GPNMB: variants seen among roughly 807,000 people sequenced by gnomAD.
GPNMB encodes the protein transmembrane glycoprotein NMB.
GPNMB carries 71 observed loss-of-function variants against 57.3 expected under a neutral mutation model. That is an observed-to-expected ratio of 1.24 (90% confidence interval 1.02 to 1.51). GPNMB has a LOEUF of 1.51. Among genes scored for constraint, GPNMB ranks in the 40% most tolerant of loss-of-function variants. GPNMB has a pLI of 0.00. For missense variants in GPNMB, 677 were observed against 691.9 expected, an observed-to-expected ratio of 0.98 and a Z score of 0.24; for synonymous variants, 253 against 263.2, an observed-to-expected ratio of 0.96 and a Z score of 0.38.
At position 23,264,604 on chromosome 7, in the gene GPNMB, T is replaced by C. The variant is rs180722116; in HGVS notation, c.1019-1913T>C. ...GTTGCCCAGGTTGGTCTCGAACTCC[T>C]GACCTCAAGTGATCCACCTACCTCA... On this transcript the variant is annotated intron_variant, in intron 6 of 10. Coordinates refer to ENST00000258733, the MANE Select transcript of GPNMB (RefSeq NM_002510.3). 3.9e-4 allele frequency among the ~76,000 whole-genome samples: 60 copies of C among 152,258 alleles called. 1 individual carries two copies. In the East Asian group the frequency reaches 6.6e-3, roughly 17 times the overall value.
intron 7 of GPNMB, 96 bp downstream of exon 7, chr7:23,266,711 G>A: frequency 9.4e-7 from 1 of 1,060,838 alleles, no homozygotes; most frequent in Non-Finnish European, 1.4e-6. Flanking sequence ...GAGGTAGGTG[G>A]TAAGGGCACC....
chr7:23,274,340 G>A lies in GPNMB; in HGVS notation c.*116G>A. 1.3e-6 allele frequency: 1 copy of A among 786,396 alleles called. No individual in the cohort carries two copies. The highest frequency in any genetic ancestry group is 2.0e-6 in the Non-Finnish European group (1 of 490,470). The allele number at this position is 786,396 out of a possible 1,614,324, so 48.7% of individuals were successfully genotyped here. A position where few individuals can be genotyped will look rare whatever the true frequency, so the allele number is the denominator to read the frequency against. On this transcript the variant is annotated 3_prime_UTR_variant, in exon 11 of 11. Coordinates refer to ENST00000258733, the MANE Select transcript of GPNMB (RefSeq NM_002510.3). Reference sequence around the variant, plus strand: ...TGTTAAATAGATATTGTGGTTTGGGGAAGTTGAATTTTTTATAGGTTAAAT... The same window carrying A: ...TGTTAAATAGATATTGTGGTTTGGGAAAGTTGAATTTTTTATAGGTTAAAT...
At chr7:23,252,508 G>A (rs918542329) in intron 1 of GPNMB, among the ~76,000 whole-genome samples, 2 of 152,170 alleles carry the variant, frequency 1.3e-5, no homozygotes, top group African/African-American at 4.8e-5. Flanking sequence ...TATTACCAGG[G>A]ATAAAGAGCA....
chr7:23,249,981 G>A (rs73277831), intron 1 of GPNMB, among the ~76,000 whole-genome samples: 8,704 of 152,170 alleles, frequency 0.057, 721 homozygotes, highest in African/African-American at 0.18. Context: ...TTTTTAGTTA[G>A]GTCTTACTGA....
intron 1 of GPNMB, 39 bp from the exon 2 acceptor site, chr7:23,253,268 C>T (rs538947475): frequency 1.3e-6 from 2 of 1,591,262 alleles, no homozygotes; most frequent in African/African-American, 2.7e-5. Flanking sequence ...GAGGTGATTA[C>T]TAAATGAAGA....
At chr7:23,268,882 A>G (rs1357877371) in intron 8 of GPNMB, among the ~76,000 whole-genome samples, 1 of 152,200 alleles carries the variant, frequency 6.6e-6, no homozygotes, top group Admixed American at 6.5e-5. Context: ...TGAGTCCAGC[A>G]TCAGAGCCTG....
chr7:23,254,127 A>G (rs199347), intron 2 of GPNMB, 42 bp from the exon 3 acceptor site: 666,897 of 1,568,062 alleles, frequency 0.43, 151,467 homozygotes, highest in African/African-American at 0.88. Flanking sequence ...AACGAAAGGA[A>G]AAAGATGCTG....
At position 23,270,105 on chromosome 7, in the gene GPNMB, T is replaced by C; in HGVS notation, c.1359T>C (p.Cys453=). 6.2e-7 allele frequency: 1 copy of C among 1,614,162 alleles called. No homozygotes were observed. Among genetic ancestry groups the C allele is most frequent in the Non-Finnish European group, 8.5e-7 (1 of 1,180,014 alleles). Residue 453 remains cysteine (C), a synonymous_variant, in exon 9 of 11, where the codon TGT becomes TGC. Coordinates refer to ENST00000258733, the MANE Select transcript of GPNMB (RefSeq NM_002510.3). ...RRTFNGSGTY[C]VNLTLGDDTS... ...CCTTCAATGGGTCTGGGACGTACTGTGTGAACCTCACCCTGGGGGATGACA... is the reference window on the plus strand; with the variant it reads ...CCTTCAATGGGTCTGGGACGTACTGCGTGAACCTCACCCTGGGGGATGACA...
At chr7:23,271,324 G>A (rs890470367) in intron 9 of GPNMB, among the ~76,000 whole-genome samples, 3 of 152,188 alleles carry the variant, frequency 2.0e-5, no homozygotes, top group Non-Finnish European at 4.4e-5. Context: ...CCATCGGTCT[G>A]GGGGTGGGGG....
At position 23,266,615 on chromosome 7, in the gene GPNMB, G is replaced by C; in HGVS notation, c.1117G>C (p.Glu373Gln). Residue 373 changes from glutamate to glutamine, a missense_variant and splice_region_variant, in exon 7 of 11, where the codon GAG becomes CAG. Glu to Gln is a conservative substitution (Grantham distance 29). Coordinates refer to ENST00000258733, the MANE Select transcript of GPNMB (RefSeq NM_002510.3). ...CTTTCAAGCCACCATCACAATTGTAGGTAAGGCTGAAGATGATGACCAGTG... is the reference window on the plus strand; with the variant it reads ...CTTTCAAGCCACCATCACAATTGTACGTAAGGCTGAAGATGATGACCAGTG... ...GHFQATITIV[E>Q]GILEVNIIQM... is the part of the protein sequence containing the mutation. 6.2e-7 allele frequency: 1 copy of C among 1,613,508 alleles called. No individual in the cohort carries two copies. Among genetic ancestry groups the C allele is most frequent in the Non-Finnish European group, 8.5e-7 (1 of 1,179,692 alleles).
At chr7:23,253,187 A>T (rs1451693847) in intron 1 of GPNMB, 120 bp from the exon 2 acceptor site, 1 of 756,958 alleles carries the variant, frequency 1.3e-6, no homozygotes, top group Non-Finnish European at 2.1e-6. Context: ...CCCTCTGTTT[A>T]CTTGATGCAC....
intron 8 of GPNMB, among the ~76,000 whole-genome samples, chr7:23,269,225 A>C (rs1210244606): frequency 6.6e-6 from 1 of 152,024 alleles, no homozygotes; most frequent in Non-Finnish European, 1.5e-5. Context: ...ATCTCTACTA[A>C]AAATACAAAA....
intron 4 of GPNMB, among the ~76,000 whole-genome samples, chr7:23,259,334 C>T (rs1782856286): frequency 6.6e-6 from 1 of 152,130 alleles, no homozygotes; most frequent in Non-Finnish European, 1.5e-5. Flanking sequence ...CAGGCTCGTA[C>T]CACCACACCT....
chr7:23,255,657 A>T (rs1302047997), intron 3 of GPNMB, among the ~76,000 whole-genome samples: 1 of 152,088 alleles, frequency 6.6e-6, no homozygotes, highest in Admixed American at 6.5e-5. Context: ...GTACTAATTT[A>T]CATTCCCACC....
chr7:23,256,509 A>C lies in GPNMB; in HGVS notation c.368-383A>C, dbSNP rs1782781578. Among the ~76,000 whole-genome samples the C allele has an allele frequency of 2.0e-5, 3 of 152,200 alleles. No homozygotes were observed. In the South Asian group the frequency reaches 6.2e-4, roughly 32 times the overall value. On this transcript the variant is annotated intron_variant, in intron 3 of 10. Coordinates refer to ENST00000258733, the MANE Select transcript of GPNMB (RefSeq NM_002510.3). The stretch of plus-strand genomic sequence containing the variant: ...ATGTGTGCCGGAGTCTTTATGAATA[A>C]ACAGTCATGATGTCAAGTGTGTCAG...
intron 1 of GPNMB, among the ~76,000 whole-genome samples, chr7:23,252,232 T>A (rs1782676427): frequency 6.6e-6 from 1 of 152,200 alleles, no homozygotes; most frequent in African/African-American, 2.4e-5. Context: ...ACACTTAAAA[T>A]TTCATCATAT....
chr7:23,253,407 A>C lies in GPNMB; in HGVS notation c.171A>C (p.Lys57Asn), dbSNP rs770778100. 6.2e-7 allele frequency: 1 copy of C among 1,613,782 alleles called. No homozygotes were observed. Among genetic ancestry groups the C allele is most frequent in the East Asian group, 2.2e-5 (1 of 44,874 alleles). ...CTGATGAAAATGACTGGAATGAAAA[A>C]CTCTACCCAGTGTGGAAGCGGGGAG... Reference protein sequence around the residue: ...WSSDENDWNEKLYPVWKRGDM... With the variant: ...WSSDENDWNENLYPVWKRGDM... Residue 57 changes from lysine to asparagine, a missense_variant, in exon 2 of 11, where the codon AAA becomes AAC. Physicochemically the swap from Lys to Asn is moderately conservative, Grantham distance 94. Coordinates refer to ENST00000258733, the MANE Select transcript of GPNMB (RefSeq NM_002510.3).
intron 1 of GPNMB, chr7:23,247,170 C>T: frequency 1.9e-6 from 1 of 521,770 alleles, no homozygotes; most frequent in Non-Finnish European, 3.5e-6. Context: ...TCTTGTGAAG[C>T]TTCTTTTCCA....
Position 23,259,309 on chromosome 7 carries a change from G to A in GPNMB, c.542-671G>A, listed in dbSNP as rs145235516. On this transcript the variant is annotated intron_variant, in intron 4 of 10. Transcript: ENST00000258733. ...ACCAATTCGTCTGCCTCAGCCTCCC[G>A]AGTAGCTTGGATTACAGGCTCGTAC... Among the ~76,000 whole-genome samples, 134 of 152,180 alleles carry A rather than the reference G, an allele frequency of 8.8e-4. 1 individual carries two copies. The East Asian group carries it at 0.023, about 26-fold the overall frequency.
Sources: allele counts gnomAD v4.1 joint callset (sites outside exome capture counted in the v4.1 genomes callset), GRCh38; gene constraint gnomAD v4.1.1; transcripts MANE v1.5; gene names NCBI Gene and HGNC (gene_info 2026-07-23, HGNC 2026-07-21).